TXNRD2: variants seen among roughly 807,000 people sequenced by gnomAD.
The protein encoded by TXNRD2 is thioredoxin reductase 2, mitochondrial.
A neutral mutation model predicts 70.8 loss-of-function variants in TXNRD2; 67 were observed. That is an observed-to-expected ratio of 0.95 (90% CI 0.78 to 1.16). The LOEUF is 1.16. TXNRD2 is among the 50% of genes most tolerant of loss of function. TXNRD2 has a pLI of 0.00. For synonymous variants in TXNRD2, 301 were observed against 295.8 expected (o/e 1.02, Z -0.18); for missense variants, 644 against 719.9 (o/e 0.89, Z 1.21).
intron 10 of TXNRD2, among the ~76,000 whole-genome samples, chr22:19,896,657 G>T (rs1939520519): frequency 6.6e-6 from 1 of 152,256 alleles, no homozygotes; most frequent in African/African-American, 2.4e-5. Context: ...TACAGATGGG[G>T]GCCCTGTTCC....
chr22:19,921,099 T>TGTA (rs1940895109), intron 2 of TXNRD2, among the ~76,000 whole-genome samples: 1 of 127,582 alleles, frequency 7.8e-6, no homozygotes, highest in African/African-American at 3.0e-5. Context: ...AGAGCGAGAC[T>TGTA]CTGTCTCAAA....
intron 14 of TXNRD2, 138 bp from the exon 15 acceptor site, chr22:19,878,575 G>T (rs1417638428): frequency 5.8e-6 from 5 of 858,942 alleles, no homozygotes; most frequent in Non-Finnish European, 9.9e-6. Flanking sequence ...TCTGGTCTGG[G>T]ATGGGGATGA....
chr22:19,893,199 C>T (rs552483853), intron 11 of TXNRD2, among the ~76,000 whole-genome samples: 27 of 152,300 alleles, frequency 1.8e-4, no homozygotes, highest in African/African-American at 5.1e-4. Flanking sequence ...CACGCAAGCC[C>T]GGTTAGCTGA....
intron 12 of TXNRD2, among the ~76,000 whole-genome samples, chr22:19,882,220 C>T (rs1358464451): frequency 6.6e-6 from 1 of 152,058 alleles, no homozygotes; most frequent in African/African-American, 2.4e-5. Context: ...GACATGGAGT[C>T]TCGCTCTGTC....
At chr22:19,911,471 T>C (rs369940589) in intron 7 of TXNRD2, 24 bp from the exon 8 acceptor site, 1 of 1,597,614 alleles carries the variant, frequency 6.3e-7, no homozygotes, top group Non-Finnish European at 8.6e-7. Flanking sequence ...AATGACCCCT[T>C]GGACAAGAGC....
At chr22:19,902,822 G>A (rs117191907) in intron 8 of TXNRD2, among the ~76,000 whole-genome samples, 61 of 152,260 alleles carry the variant, frequency 4.0e-4, no homozygotes, top group Admixed American at 6.5e-4. Context: ...TCACACCAGC[G>A]GAATGTGCCA....
Position 19,883,362 on chromosome 22 carries a change from G to T in TXNRD2, c.1049C>A (p.Ser350Tyr). The T allele has an allele frequency of 6.2e-7, 1 of 1,614,064 alleles. No homozygotes were observed. The highest frequency in any genetic ancestry group is 8.5e-7 in the Non-Finnish European group (1 of 1,180,042). ...ACCAATGGCGTAGATGTGGGGCACAGAGGTGGCTTCCCGGGAGTCCACCAG... is the reference window on the plus strand; with the variant it reads ...ACCAATGGCGTAGATGTGGGGCACATAGGTGGCTTCCCGGGAGTCCACCAG... ...KILVDSREAT[S>Y]VPHIYAIGDV... The change falls in exon 12 of 18, where the codon TCT becomes TAT. Residue 350 changes from serine to tyrosine, a missense_variant. Transcript: ENST00000400521.
chr22:19,912,140 G>C (rs1940440137), intron 7 of TXNRD2, among the ~76,000 whole-genome samples: 1 of 152,208 alleles, frequency 6.6e-6, no homozygotes, highest in Admixed American at 6.5e-5. Flanking sequence ...CTGAAGAGGG[G>C]CGGCCAAGCA....
In TXNRD2 at chr22:19,932,347, G is replaced by A. The variant is rs564037663; in HGVS notation, c.104-1249C>T. ...GAATTCCTTTTGGGCTGGTTGTGGT[G>A]TCGCCTCACCTTGGTCCTCCATGGT... On this transcript the variant is annotated intron_variant, in intron 1 of 17. Coordinates refer to ENST00000400521, the MANE Select transcript of TXNRD2 (RefSeq NM_006440.5). 118 of 1,612,608 alleles carry A rather than the reference G, an allele frequency of 7.3e-5. 1 individual carries two copies. The Admixed American group carries it at 8.3e-4, about 11-fold the overall frequency.
chr22:19,928,864 G>C (rs1347236354), intron 2 of TXNRD2, among the ~76,000 whole-genome samples: 1 of 151,856 alleles, frequency 6.6e-6, no homozygotes, highest in Non-Finnish European at 1.5e-5. Flanking sequence ...AAATTAGCCA[G>C]GTGTGGTGGC....
chr22:19,935,247 G>A (rs368124933), intron 1 of TXNRD2, among the ~76,000 whole-genome samples: 1 of 152,084 alleles, frequency 6.6e-6, no homozygotes, highest in African/African-American at 2.4e-5. Flanking sequence ...GTCTGTAAAC[G>A]GCCACTCTGG....
At chr22:19,923,157 A>C in intron 2 of TXNRD2, among the ~76,000 whole-genome samples, 1 of 152,254 alleles carries the variant, frequency 6.6e-6, no homozygotes, top group East Asian at 1.9e-4. Context: ...ATTTCTCCTC[A>C]TATTAATTGG....
At chr22:19,909,035 T>C (rs1940196592) in intron 8 of TXNRD2, among the ~76,000 whole-genome samples, 1 of 151,882 alleles carries the variant, frequency 6.6e-6, no homozygotes, top group Admixed American at 6.6e-5. Flanking sequence ...TGAAACCCCA[T>C]CTCCACTAAA....
chr22:19,930,917 ACC>A, intron 2 of TXNRD2, 111 bp downstream of exon 2: 1 of 923,234 alleles, frequency 1.1e-6, no homozygotes. Context: ...CACTGGGGTG[ACC>A]CCAGCAGGGA....
chr22:19,911,883 CAG>C (rs1205869543), intron 7 of TXNRD2, among the ~76,000 whole-genome samples: 1 of 152,156 alleles, frequency 6.6e-6, no homozygotes, highest in African/African-American at 2.4e-5. Flanking sequence ...GATCCAAACT[CAG>C]AGAGAGGAAG....
rs376808071 is a variant in TXNRD2 at position 19,880,249 on chromosome 22, G to A, written c.1205C>T (p.Pro402Leu). Reference protein sequence around the residue: ...YDNVPTTVFTPLEYGCVGLSE... With the variant: ...YDNVPTTVFTLLEYGCVGLSE... ...CAGCCCCACACAGCCATACTCCAGC[G>A]GGGTGAAGACGGTCGTGGGAACCTG... Residue 402 changes from proline to leucine, a missense_variant, in exon 14 of 18, where the codon CCG (proline) becomes CTG (leucine). Physicochemically the swap from Pro to Leu is moderately conservative, Grantham distance 98. Around this residue, in one of 3 missense-constraint regions of TXNRD2, gnomAD observed 566 missense variants for 645.0 expected, o/e 0.88. Transcript: ENST00000400521. The A allele has an allele frequency of 1.2e-5, 20 of 1,613,528 alleles. No individual in the cohort carries two copies. The highest frequency in any genetic ancestry group is 6.7e-5 in the African/African-American group (5 of 74,936).
chr22:19,925,155 G>A (rs1941084717), intron 2 of TXNRD2, among the ~76,000 whole-genome samples: 2 of 151,678 alleles, frequency 1.3e-5, no homozygotes, highest in Non-Finnish European at 2.9e-5. Context: ...ATGGTGGCAT[G>A]CGCCTGTAGT....
chr22:19,876,936 G>T, intron 17 of TXNRD2, 104 bp downstream of exon 17: 1 of 744,064 alleles, frequency 1.3e-6, no homozygotes, highest in Admixed American at 3.2e-5. Context: ...TGGGTGGCGT[G>T]GCAGGTGTAG....
rs778309862 is a variant in TXNRD2 at position 19,931,064 on chromosome 22, G to A, written c.138C>T (p.Gly46=). ...GQRDYDLLVV[G]GGSGGLACAK... The stretch of plus-strand genomic sequence containing the variant: ...CACAAGCCAGGCCACCAGATCCCCC[G>A]CCGACCACCAGGAGATCATAGTCCC... The change falls in exon 2 of 18, where the codon GGC becomes GGT. Residue 46 remains glycine, a synonymous_variant. Coordinates refer to ENST00000400521, the MANE Select transcript of TXNRD2 (RefSeq NM_006440.5). The A allele has an allele frequency of 9.3e-6, 15 of 1,613,422 alleles. No homozygotes were observed. The African/African-American group carries it at 1.3e-4, about 14-fold the overall frequency.
Sources: gnomAD v4.1 joint callset for allele counts (sites outside exome capture counted in the v4.1 genomes callset) on GRCh38, gnomAD v4.1.1 for gene constraint, gnomAD v4.1.1 regional missense constraint, MANE v1.5 for transcripts, NCBI Gene and HGNC (gene_info 2026-07-23, HGNC 2026-07-21) for gene names.